Variants in SLC41A2 observed in about 807,000 individuals in gnomAD.
The protein encoded by SLC41A2 is SLC41A1-like 1.
Under a neutral mutation model 58.3 loss-of-function variants are expected in SLC41A2, and 32 were observed. The observed-to-expected ratio is 0.55, with a 90% CI of 0.41 to 0.74. The LOEUF (loss-of-function observed/expected upper bound fraction) is 0.74. Among genes scored for constraint, SLC41A2 ranks in the 30% least tolerant of loss-of-function variants. SLC41A2 has a pLI of 0.00. For synonymous variants in SLC41A2, 190 were observed against 235.0 expected, an observed-to-expected ratio of 0.81 and a Z score of 1.75; for missense variants, 514 against 680.6, an observed-to-expected ratio of 0.76 and a Z score of 2.72.
intron 10 of SLC41A2, among the ~76,000 whole-genome samples, chr12:104,828,395 G>T (rs951019163): frequency 6.6e-6 from 1 of 152,204 alleles, no homozygotes; most frequent in Non-Finnish European, 1.5e-5. Context: ...GTACACCAAG[G>T]CAAGAACCCC....
At chr12:104,835,416 A>G (rs1286113495) in intron 10 of SLC41A2, among the ~76,000 whole-genome samples, 1 of 152,008 alleles carries the variant, frequency 6.6e-6, no homozygotes, top group Admixed American at 6.6e-5. Flanking sequence ...TTCTAACCTT[A>G]TTTTTCATCA....
At position 104,928,349 on chromosome 12, in the gene SLC41A2, T is replaced by C. The variant is rs768950324; in HGVS notation, c.179A>G (p.Lys60Arg). 2.7e-5 allele frequency: 43 copies of C among 1,609,422 alleles called. No individual in the cohort carries two copies. The East Asian group carries it at 8.9e-4, about 33-fold the overall frequency. Residue 60 changes from lysine to arginine, a missense_variant, in exon 2 of 11, where the codon AAA becomes AGA. Lys to Arg is a conservative substitution (Grantham distance 26). This residue lies in a region of SLC41A2 where 336 missense variants were observed against 430.0 expected (regional missense o/e 0.78). Transcript: ENST00000258538. Reference protein sequence around the residue: ...YQKNQEDRHKKANGIWQDGLS... With the variant: ...YQKNQEDRHKRANGIWQDGLS... ...TCCATCTTGCCAAATGCCGTTTGCT[T>C]TTTTGTGCCTGTCTTCTTGGTTTTT...
At chr12:104,836,538 G>C (rs1351995571) in intron 10 of SLC41A2, among the ~76,000 whole-genome samples, 1 of 152,180 alleles carries the variant, frequency 6.6e-6, no homozygotes, top group Non-Finnish European at 1.5e-5. Flanking sequence ...AAAAGTTACA[G>C]ATCAAGAGAA....
intron 8 of SLC41A2, among the ~76,000 whole-genome samples, chr12:104,849,354 A>C (rs61129422): frequency 0.025 from 3,738 of 152,314 alleles, 100 homozygotes; most frequent in East Asian, 0.15. Context: ...AGAATCAGTA[A>C]TTGCAGAAAT....
chr12:104,816,095 G>C (rs2041390976), intron 10 of SLC41A2, among the ~76,000 whole-genome samples: 1 of 152,144 alleles, frequency 6.6e-6, no homozygotes, highest in East Asian at 1.9e-4. Flanking sequence ...GTCAAACCCA[G>C]GTCTGTTTGA....
chr12:104,948,116 T>C (rs1050602733), intron 1 of SLC41A2, among the ~76,000 whole-genome samples: 1 of 152,230 alleles, frequency 6.6e-6, no homozygotes, highest in African/African-American at 2.4e-5. Context: ...GTAGTAGATA[T>C]AATGTAGCAG....
chr12:104,806,544 C>T (rs977798892), intron 10 of SLC41A2, among the ~76,000 whole-genome samples: 21 of 152,106 alleles, frequency 1.4e-4, no homozygotes, highest in Non-Finnish European at 2.4e-4. Context: ...TGTGTCTTTA[C>T]AGCAGCATGA....
chr12:104,818,397 T>C (rs953008903), intron 10 of SLC41A2, among the ~76,000 whole-genome samples: 5 of 152,124 alleles, frequency 3.3e-5, no homozygotes, highest in Admixed American at 6.5e-5. Flanking sequence ...TAGGTGAGAT[T>C]AATAGCACAT....
At chr12:104,847,977 T>C (rs1165501987) in intron 8 of SLC41A2, among the ~76,000 whole-genome samples, 1 of 152,192 alleles carries the variant, frequency 6.6e-6, no homozygotes, top group Non-Finnish European at 1.5e-5. Flanking sequence ...GCTTTAATAA[T>C]ACTATCAGCC....
intron 10 of SLC41A2, among the ~76,000 whole-genome samples, chr12:104,825,450 A>C (rs924808999): frequency 2.6e-5 from 4 of 152,208 alleles, no homozygotes; most frequent in Admixed American, 2.6e-4. Context: ...GGAAAAAGAT[A>C]TAAGAATTAG....
chr12:104,935,362 C>A (rs1489792380), intron 1 of SLC41A2, among the ~76,000 whole-genome samples: 1 of 148,422 alleles, frequency 6.7e-6, no homozygotes, highest in Non-Finnish European at 1.5e-5. Context: ...TCAATATTCT[C>A]ACCACAAAAA....
At chr12:104,837,749 C>T (rs1287154956) in intron 10 of SLC41A2, among the ~76,000 whole-genome samples, 1 of 152,118 alleles carries the variant, frequency 6.6e-6, no homozygotes, top group African/African-American at 2.4e-5. Context: ...AAAATGAGGC[C>T]CGTGACAATA....
intron 10 of SLC41A2, among the ~76,000 whole-genome samples, chr12:104,831,718 ATT>A (rs2042042192): frequency 6.6e-6 from 1 of 152,156 alleles, no homozygotes; most frequent in Admixed American, 6.6e-5. Context: ...GTGCTTCCCT[ATT>A]ACCCATACAA....
At chr12:104,880,055 T>C (rs558212856) in intron 6 of SLC41A2, among the ~76,000 whole-genome samples, 1 of 152,280 alleles carries the variant, frequency 6.6e-6, no homozygotes, top group African/African-American at 2.4e-5. Context: ...TTCCTAGGTA[T>C]TTTATTCTCT....
chr12:104,933,017 A>AAAAT (rs1263224242), intron 1 of SLC41A2, among the ~76,000 whole-genome samples: 1 of 152,186 alleles, frequency 6.6e-6, no homozygotes, highest in Admixed American at 6.5e-5. Context: ...AAATGCAATA[A>AAAAT]AAATAAATAA....
At position 104,928,395 on chromosome 12, in the gene SLC41A2, T is replaced by C; in HGVS notation, c.133A>G (p.Met45Val). 3 of 1,569,478 alleles carry C rather than the reference T, an allele frequency of 1.9e-6. No homozygotes were observed. Among genetic ancestry groups the C allele is most frequent in the Non-Finnish European group, 2.6e-6 (3 of 1,155,364 alleles). The change falls in exon 2 of 11, where the codon ATG becomes GTG. Residue 45 changes from methionine (M) to valine (V), a missense_variant. Physicochemically the swap from Met to Val is conservative, Grantham distance 21 (BLOSUM62 1). Coordinates refer to ENST00000258538, the MANE Select transcript of SLC41A2 (RefSeq NM_001352171.3). Reference sequence around the variant, plus strand: ...TTTTTCTGGTAAATCACTGGAACCATACTCAAGAGTAAATTTAAAAACTTG... The same window carrying C: ...TTTTTCTGGTAAATCACTGGAACCACACTCAAGAGTAAATTTAAAAACTTG... ...SDKFLNLLLS[M>V]VPVIYQKNQE...
chr12:104,826,591 AC>A (rs1172152999), intron 10 of SLC41A2, among the ~76,000 whole-genome samples: 1 of 151,600 alleles, frequency 6.6e-6, no homozygotes, highest in African/African-American at 2.4e-5. Context: ...CCTCTCCCTT[AC>A]CCCCTCCTAG....
chr12:104,893,505 T>A (rs1215754802), intron 4 of SLC41A2, among the ~76,000 whole-genome samples: 1 of 152,158 alleles, frequency 6.6e-6, no homozygotes, highest in East Asian at 1.9e-4. Context: ...TACTGCTGAG[T>A]ATATAATCCC....
Position 104,949,930 on chromosome 12 carries a change from G to A in SLC41A2, c.-168+8158C>T, listed in dbSNP as rs570256754. Among the ~76,000 whole-genome samples, 8 of 152,264 alleles carry A rather than the reference G, an allele frequency of 5.3e-5. No individual in the cohort carries two copies. The South Asian group carries it at 1.7e-3, about 32-fold the overall frequency. On this transcript the variant is annotated intron_variant, in intron 1 of 10. Coordinates refer to ENST00000258538, the MANE Select transcript of SLC41A2 (RefSeq NM_001352171.3). Reference sequence around the variant, plus strand: ...AGGTAAGATTTAGAGAAATTGAGGGGAGGTGGGGAGGGGAGAGAAGGAAAA... The same window carrying A: ...AGGTAAGATTTAGAGAAATTGAGGGAAGGTGGGGAGGGGAGAGAAGGAAAA...
Sources: gnomAD v4.1 joint callset for allele counts (sites outside exome capture counted in the v4.1 genomes callset) on GRCh38, gnomAD v4.1.1 for gene constraint, gnomAD v4.1.1 regional missense constraint, MANE v1.5 for transcripts, NCBI Gene and HGNC (gene_info 2026-07-23, HGNC 2026-07-21) for gene names.